Variants in FRMD4B observed in about 807,000 individuals in gnomAD.
FRMD4B encodes the protein FERM domain-containing protein 4B.
A neutral mutation model predicts 141.5 loss-of-function variants in FRMD4B; 74 were observed. That is an observed-to-expected ratio of 0.52 (90% confidence interval 0.43 to 0.63). The LOEUF (loss-of-function observed/expected upper bound fraction) is 0.63, where lower values mean the gene tolerates loss of function less well. FRMD4B is among the 30% of genes least tolerant of loss of function. FRMD4B has a pLI of 0.00. For synonymous variants in FRMD4B, 506 were observed against 467.9 expected, an observed-to-expected ratio of 1.08 and a Z score of -1.05; for missense variants, 1,366 against 1,253.4, an observed-to-expected ratio of 1.09 and a Z score of -1.36.
intron 1 of FRMD4B, among the ~76,000 whole-genome samples, chr3:69,338,775 A>G (rs938564873): frequency 1.3e-5 from 2 of 152,194 alleles, no homozygotes; most frequent in Admixed American, 1.3e-4. Flanking sequence ...TATGTACACC[A>G]AACACCTATG....
chr3:69,385,724 GT>G (rs1704234635), intron 1 of FRMD4B, 103 bp downstream of exon 1: 1 of 1,026,238 alleles, frequency 9.7e-7, no homozygotes, highest in Non-Finnish European at 1.4e-6. Flanking sequence ...TCTGCTAGGA[GT>G]TTAAGAAGAG....
chr3:69,258,263 G>A (rs983236434), intron 5 of FRMD4B, among the ~76,000 whole-genome samples: 1 of 152,092 alleles, frequency 6.6e-6, no homozygotes, highest in African/African-American at 2.4e-5. Flanking sequence ...ACTGCGCCCA[G>A]CCAGTATATT....
chr3:69,403,060 C>T (rs1704594016), intron 2 of FRMD4B, among the ~76,000 whole-genome samples: 1 of 152,040 alleles, frequency 6.6e-6, no homozygotes, highest in African/African-American at 2.4e-5. Flanking sequence ...TTTGGAGGAC[C>T]CTGAAGATAC....
At chr3:69,360,187 C>T (rs981452472) in intron 1 of FRMD4B, among the ~76,000 whole-genome samples, 4 of 151,902 alleles carry the variant, frequency 2.6e-5, no homozygotes, top group African/African-American at 2.4e-5. Context: ...AAGTCAAAGA[C>T]CAGTGTCATA....
chr3:69,214,676 T>C (rs1463992187), intron 11 of FRMD4B, among the ~76,000 whole-genome samples: 1 of 151,786 alleles, frequency 6.6e-6, no homozygotes, highest in Admixed American at 6.6e-5. Context: ...CTGGGAAAAA[T>C]AGTCAGACTT....
intron 7 of FRMD4B, among the ~76,000 whole-genome samples, chr3:69,239,245 C>G (rs1031054578): frequency 1.3e-5 from 2 of 152,150 alleles, no homozygotes; most frequent in East Asian, 3.9e-4. Flanking sequence ...AGCATTCTAC[C>G]AAAGATGCAT....
At chr3:69,268,033 C>G (rs976410998) in intron 5 of FRMD4B, among the ~76,000 whole-genome samples, 5 of 151,938 alleles carry the variant, frequency 3.3e-5, no homozygotes, top group Admixed American at 1.3e-4. Context: ...ATCATCAGGA[C>G]TATGAACTTT....
chr3:69,483,553 A>G (rs1706165104), intron 1 of FRMD4B, among the ~76,000 whole-genome samples: 2 of 152,218 alleles, frequency 1.3e-5, no homozygotes, highest in African/African-American at 4.8e-5. Flanking sequence ...ACCTCATATT[A>G]ATGATGAAAC....
chr3:69,287,855 G>C lies in FRMD4B; in HGVS notation c.417-19C>G, dbSNP rs1002382710. ...GTAAAACCTGAAAAACAGCAGAGGA[G>C]TTTGTTCCTTCAGATTTATTTTCAC... On this transcript the variant is annotated intron_variant, in intron 4 of 22. Coordinates refer to ENST00000398540, the MANE Select transcript of FRMD4B (RefSeq NM_015123.3). 8.0e-7 allele frequency: 1 copy of C among 1,243,514 alleles called. No homozygotes were observed. Among genetic ancestry groups the C allele is most frequent in the Non-Finnish European group, 1.2e-6 (1 of 862,432 alleles). The allele number at this position is 1,243,514 out of a possible 1,614,324, so 77.0% of individuals were successfully genotyped here. A position where few individuals can be genotyped will look rare whatever the true frequency, so the allele number is the denominator to read the frequency against.
intron 1 of FRMD4B, among the ~76,000 whole-genome samples, chr3:69,501,301 A>T (rs1706493133): frequency 1.3e-5 from 2 of 149,280 alleles, no homozygotes; most frequent in East Asian, 2.0e-4. Flanking sequence ...GCCCAAGACA[A>T]TTCTTCCAGT....
intron 1 of FRMD4B, chr3:69,353,634 TGTGTGTGTGCGCGCGC>T (rs923536630): frequency 3.2e-5 from 32 of 984,678 alleles, no homozygotes; most frequent in African/African-American, 7.0e-5. Context: ...GTGCGGTGTG[TGTGTGTGTGCGCGCGC>T]GTGTGTGTGC....
intron 5 of FRMD4B, among the ~76,000 whole-genome samples, chr3:69,277,385 A>T (rs1345565389): frequency 6.6e-6 from 1 of 152,158 alleles, no homozygotes; most frequent in Non-Finnish European, 1.5e-5. Flanking sequence ...GAATCAAAAT[A>T]AACCTAGGTT....
At chr3:69,483,925 C>T (rs1049389508) in intron 1 of FRMD4B, among the ~76,000 whole-genome samples, 5 of 152,224 alleles carry the variant, frequency 3.3e-5, no homozygotes, top group East Asian at 3.9e-4. Context: ...AGGTTTTTGT[C>T]GGTTCAGCTT....
intron 1 of FRMD4B, among the ~76,000 whole-genome samples, chr3:69,368,514 C>A (rs60969945): frequency 0.17 from 26,538 of 152,188 alleles, 2,572 homozygotes; most frequent in African/African-American, 0.24. Context: ...GTGCCTACCC[C>A]CCTTGTCGTT....
chr3:69,293,951 G>C (rs1160670154), intron 4 of FRMD4B, among the ~76,000 whole-genome samples: 1 of 144,156 alleles, frequency 6.9e-6, no homozygotes, highest in African/African-American at 2.6e-5. Context: ...AGAAACAAAT[G>C]CTACAAAAAT....
chr3:69,260,203 G>A (rs2093517170), intron 5 of FRMD4B, among the ~76,000 whole-genome samples: 5 of 152,200 alleles, frequency 3.3e-5, no homozygotes, highest in Admixed American at 6.5e-5. Context: ...CTGCACTGTA[G>A]GAGCCCCTCT....
At chr3:69,524,267 C>A (rs1700900175) in intron 1 of FRMD4B, among the ~76,000 whole-genome samples, 1 of 152,202 alleles carries the variant, frequency 6.6e-6, no homozygotes, top group African/African-American at 2.4e-5. Flanking sequence ...GCATCTTATC[C>A]TAGAGGCCCA....
chr3:69,267,630 TATATATAGAGAGAGAG>T (rs2093572439), intron 5 of FRMD4B, among the ~76,000 whole-genome samples: 6 of 10,912 alleles, frequency 5.5e-4, no homozygotes, highest in African/African-American at 1.9e-3. Flanking sequence ...TATATATATA[TATATATAGAGAGAGAG>T]AGAGAGAGAG....
intron 1 of FRMD4B, among the ~76,000 whole-genome samples, chr3:69,337,252 T>C (rs931215852): frequency 6.6e-6 from 1 of 152,176 alleles, no homozygotes; most frequent in Non-Finnish European, 1.5e-5. Flanking sequence ...TGGCTAGCCA[T>C]ATGTAGAAAG....
Sources: allele counts gnomAD v4.1 joint callset (sites outside exome capture counted in the v4.1 genomes callset), GRCh38; gene constraint gnomAD v4.1.1; transcripts MANE v1.5; gene names NCBI Gene and HGNC (gene_info 2026-07-23, HGNC 2026-07-21).